JAK2: variants seen among roughly 807,000 people sequenced by gnomAD.
JAK2 encodes the protein Janus kinase 2.
Under a neutral mutation model 139.3 loss-of-function variants are expected in JAK2, and 86 were observed. The ratio of observed to expected loss-of-function variants is 0.62; its 90% confidence interval spans 0.52 to 0.74. The LOEUF is 0.74. JAK2 is among the 30% of genes least tolerant of loss of function. The pLI is 0.00. For missense variants in JAK2, 1,421 were observed against 1,360.3 expected (o/e 1.04, Z -0.70); for synonymous variants, 490 against 437.7 (o/e 1.12, Z -1.49).
At chr9:5,003,736 T>A (rs1358601220) in intron 2 of JAK2, among the ~76,000 whole-genome samples, 1 of 152,116 alleles carries the variant, frequency 6.6e-6, no homozygotes, top group Non-Finnish European at 1.5e-5. Flanking sequence ...ATGTCCACTA[T>A]GGTATTGAAT....
chr9:5,072,396 G>T, intron 12 of JAK2, 96 bp from the exon 13 acceptor site: 1 of 870,222 alleles, frequency 1.1e-6, no homozygotes. Flanking sequence ...CTTGCTTATG[G>T]ATTTAAAAAA....
intron 17 of JAK2, 24 bp from the exon 18 acceptor site, chr9:5,080,509 C>T (rs2130606956): frequency 5.1e-6 from 8 of 1,564,558 alleles, no homozygotes; most frequent in Non-Finnish European, 6.9e-6. Context: ...AATTTATTCT[C>T]AGTTTGTGGT....
At chr9:5,056,292 C>T (rs1278879320) in intron 8 of JAK2, among the ~76,000 whole-genome samples, 1 of 151,932 alleles carries the variant, frequency 6.6e-6, no homozygotes, top group Admixed American at 6.6e-5. Flanking sequence ...TAAATAGCTT[C>T]AGAAATCTAA....
At chr9:5,053,373 A>G (rs554398226) in intron 6 of JAK2, among the ~76,000 whole-genome samples, 122 of 152,194 alleles carry the variant, frequency 8.0e-4, no homozygotes, top group African/African-American at 2.8e-3. Context: ...TTCTGGATAC[A>G]AGTCTCCACA....
intron 19 of JAK2, among the ~76,000 whole-genome samples, chr9:5,088,021 G>A (rs1197956053): frequency 6.6e-6 from 1 of 152,184 alleles, no homozygotes; most frequent in Non-Finnish European, 1.5e-5. Context: ...TAGAGGGGAA[G>A]AAGATAAAAC....
At chr9:5,080,121 A>T in intron 16 of JAK2, 108 bp from the exon 17 acceptor site, 1 of 896,132 alleles carries the variant, frequency 1.1e-6, no homozygotes, top group Non-Finnish European at 1.7e-6. Context: ...CAAAATAAAG[A>T]AAATAGGCCT....
At chr9:5,013,123 G>GT (rs1821808047) in intron 2 of JAK2, among the ~76,000 whole-genome samples, 1 of 152,172 alleles carries the variant, frequency 6.6e-6, no homozygotes. Context: ...ATGAAAGCTT[G>GT]TTAAGACCTC....
intron 19 of JAK2, chr9:5,085,826 G>C (rs956389042): frequency 1.3e-6 from 1 of 760,516 alleles, no homozygotes; most frequent in African/African-American, 1.7e-5. Context: ...TTGATCGAAA[G>C]GCTTTTCCTT....
intron 22 of JAK2, among the ~76,000 whole-genome samples, chr9:5,116,588 T>A (rs970669801): frequency 6.6e-6 from 1 of 152,184 alleles, no homozygotes. Context: ...TCAAAAAATA[T>A]TAGTTATATG....
At chr9:5,119,793 C>G (rs1456782431) in intron 22 of JAK2, among the ~76,000 whole-genome samples, 6 of 151,964 alleles carry the variant, frequency 3.9e-5, no homozygotes, top group African/African-American at 1.5e-4. Flanking sequence ...TTCATATGTA[C>G]TTAATGAACA....
chr9:5,113,860 G>C (rs941043098), intron 22 of JAK2: 1 of 206,880 alleles, frequency 4.8e-6, no homozygotes, highest in Non-Finnish European at 9.9e-6. Context: ...CTACTCCAGG[G>C]ACTTCACCCT....
chr9:5,092,612 G>A (rs1820673365), intron 22 of JAK2, among the ~76,000 whole-genome samples: 1 of 152,138 alleles, frequency 6.6e-6, no homozygotes, highest in South Asian at 2.1e-4. Context: ...AAAGATGAAA[G>A]AACTGAGCAA....
chr9:5,061,109 G>GCT (rs1283363765), intron 8 of JAK2, among the ~76,000 whole-genome samples: 1 of 152,218 alleles, frequency 6.6e-6, no homozygotes, highest in African/African-American at 2.4e-5. Flanking sequence ...CAATAGATGT[G>GCT]CTGTCATCCA....
intron 4 of JAK2, chr9:5,041,358 G>A: frequency 1.6e-6 from 1 of 628,222 alleles, no homozygotes. Context: ...TGCTACATGA[G>A]CATCAACATG....
chr9:5,098,954 A>C (rs1366742322), intron 22 of JAK2: 1 of 152,138 alleles, frequency 6.6e-6, no homozygotes, highest in African/African-American at 2.4e-5. Context: ...TCAGCCTCCC[A>C]AAGTGCTGGG....
chr9:5,014,309 T>C (rs1009001006), intron 2 of JAK2, among the ~76,000 whole-genome samples: 9 of 152,074 alleles, frequency 5.9e-5, no homozygotes, highest in African/African-American at 1.9e-4. Flanking sequence ...CAGCCTCTTA[T>C]TTACTCTTTA....
At chr9:5,001,798 T>A (rs531002201) in intron 2 of JAK2, among the ~76,000 whole-genome samples, 2 of 152,216 alleles carry the variant, frequency 1.3e-5, no homozygotes, top group East Asian at 3.9e-4. Context: ...GAAGTCACTT[T>A]GGCCAAGAGT....
intron 12 of JAK2, among the ~76,000 whole-genome samples, chr9:5,070,412 G>A (rs889335198): frequency 6.6e-6 from 1 of 152,020 alleles, no homozygotes; most frequent in African/African-American, 2.4e-5. Context: ...AAAAAATCCA[G>A]CCATCTCTCA....
At chr9:5,074,706 A>G (rs1246821792) in intron 14 of JAK2, among the ~76,000 whole-genome samples, 1 of 152,224 alleles carries the variant, frequency 6.6e-6, no homozygotes, top group Non-Finnish European at 1.5e-5. Flanking sequence ...TGGTCTTTAA[A>G]TGTTCAAGTG....
Sources: allele counts gnomAD v4.1 joint callset (sites outside exome capture counted in the v4.1 genomes callset), GRCh38; gene constraint gnomAD v4.1.1; transcripts MANE v1.5; gene names NCBI Gene and HGNC (gene_info 2026-07-23, HGNC 2026-07-21).